EDIL3: variants seen among roughly 807,000 people sequenced by gnomAD.
EDIL3 encodes the protein EGF like and discoidin domains 3, also known as EGF-like repeat and discoidin I-like domain-containing protein 3.
A neutral mutation model predicts 67.4 loss-of-function variants in EDIL3; 37 were observed. The ratio of observed to expected loss-of-function variants is 0.55; its 90% confidence interval spans 0.42 to 0.72. The LOEUF (loss-of-function observed/expected upper bound fraction) is 0.72. EDIL3 is among the 30% of genes least tolerant of loss of function. The pLI, the probability that EDIL3 is intolerant of heterozygous loss-of-function variation, is 0.00. For missense variants in EDIL3, 527 were observed against 586.3 expected (o/e 0.90, Z 1.04); for synonymous variants, 195 against 196.3 (o/e 0.99, Z 0.05).
At chr5:84,302,250 A>T (rs1226351230) in intron 1 of EDIL3, among the ~76,000 whole-genome samples, 1 of 151,978 alleles carries the variant, frequency 6.6e-6, no homozygotes, top group Non-Finnish European at 1.5e-5. Flanking sequence ...CACATTCATA[A>T]CTAGATATGC....
At chr5:84,170,635 A>G (rs1464624746) in intron 4 of EDIL3, among the ~76,000 whole-genome samples, 1 of 152,214 alleles carries the variant, frequency 6.6e-6, no homozygotes, top group Non-Finnish European at 1.5e-5. Flanking sequence ...GATAACTAAG[A>G]GCAACAGTAA....
At chr5:84,356,885 CTTTCTTTT>C (rs1291470966) in intron 1 of EDIL3, among the ~76,000 whole-genome samples, 6 of 39,358 alleles carry the variant, frequency 1.5e-4, no homozygotes, top group African/African-American at 5.2e-4. Flanking sequence ...AACAATCTTT[CTTTCTTTT>C]TTTTTTTTTT....
chr5:84,017,674 T>G (rs578133309), intron 9 of EDIL3, among the ~76,000 whole-genome samples: 1 of 152,282 alleles, frequency 6.6e-6, no homozygotes, highest in East Asian at 1.9e-4. Context: ...AAACATGACT[T>G]TGGAAAAATT....
At chr5:84,163,997 A>G (rs1439202846) in intron 4 of EDIL3, among the ~76,000 whole-genome samples, 3 of 152,120 alleles carry the variant, frequency 2.0e-5, no homozygotes, top group African/African-American at 7.2e-5. Flanking sequence ...TGCTTTTAAG[A>G]AGGCCAACTT....
At chr5:84,191,010 T>C (rs1743574573) in intron 3 of EDIL3, among the ~76,000 whole-genome samples, 2 of 152,048 alleles carry the variant, frequency 1.3e-5, no homozygotes, top group African/African-American at 4.8e-5. Flanking sequence ...AATCATAATC[T>C]ATAACAGAAA....
At chr5:83,997,029 G>A (rs983325945) in intron 9 of EDIL3, among the ~76,000 whole-genome samples, 1 of 152,148 alleles carries the variant, frequency 6.6e-6, no homozygotes, top group Non-Finnish European at 1.5e-5. Flanking sequence ...ACTGGCTAGG[G>A]GATAGAGGGA....
At chr5:83,957,442 T>C (rs940688281) in intron 10 of EDIL3, among the ~76,000 whole-genome samples, 4 of 151,864 alleles carry the variant, frequency 2.6e-5, no homozygotes, top group East Asian at 3.9e-4. Flanking sequence ...AGTTGGACTT[T>C]CAAGGTATTA....
intron 3 of EDIL3, among the ~76,000 whole-genome samples, chr5:84,227,301 A>T (rs1278640339): frequency 6.6e-6 from 1 of 152,102 alleles, no homozygotes; most frequent in East Asian, 1.9e-4. Context: ...TCAAAAGAAG[A>T]TATACAAGAA....
chr5:84,221,134 G>C (rs1415544086), intron 3 of EDIL3, among the ~76,000 whole-genome samples: 2 of 152,006 alleles, frequency 1.3e-5, no homozygotes, highest in African/African-American at 2.4e-5. Context: ...AACTATTTTT[G>C]AATATATGTG....
chr5:84,289,538 C>T (rs949850144), intron 1 of EDIL3, among the ~76,000 whole-genome samples: 1 of 152,124 alleles, frequency 6.6e-6, no homozygotes, highest in African/African-American at 2.4e-5. Flanking sequence ...AGTCACTTCA[C>T]TGCTTGCAAG....
chr5:84,267,441 G>T (rs951629449), intron 1 of EDIL3, among the ~76,000 whole-genome samples: 4 of 152,160 alleles, frequency 2.6e-5, no homozygotes, highest in Non-Finnish European at 2.9e-5. Flanking sequence ...GAAAGTAATG[G>T]CAGACACATG....
Position 84,363,021 on chromosome 5 carries a change from C to T in EDIL3, c.67+21287G>A, listed in dbSNP as rs548195583. 8.1e-4 allele frequency among the ~76,000 whole-genome samples: 123 copies of T among 151,992 alleles called. 4 individuals carry two copies. In the South Asian group the frequency reaches 0.024, roughly 30 times the overall value. On this transcript the variant is annotated intron_variant, in intron 1 of 10. Transcript: ENST00000296591. ...TTTTTGATAGCAATGAGTATGTAAC[C>T]TATATTACTAACTGAAGAGGTAATT... is the stretch of plus-strand genomic sequence containing the variant.
At chr5:83,962,045 A>T (rs1378283991) in intron 10 of EDIL3, among the ~76,000 whole-genome samples, 1 of 151,376 alleles carries the variant, frequency 6.6e-6, no homozygotes, top group African/African-American at 2.4e-5. Context: ...AGCTAAAAAC[A>T]CATCTCTTCT....
intron 9 of EDIL3, among the ~76,000 whole-genome samples, chr5:84,014,174 A>T (rs2071140786): frequency 6.6e-6 from 1 of 152,212 alleles, no homozygotes; most frequent in Non-Finnish European, 1.5e-5. Flanking sequence ...CTGGCATTGT[A>T]TAAATATGAA....
chr5:84,057,638 AAGTC>A (rs1228151434), intron 9 of EDIL3, among the ~76,000 whole-genome samples: 2 of 152,172 alleles, frequency 1.3e-5, no homozygotes, highest in Admixed American at 6.6e-5. Flanking sequence ...ATTTAAAAAA[AAGTC>A]AGCTCTTCAA....
intron 5 of EDIL3, among the ~76,000 whole-genome samples, chr5:84,114,142 C>A (rs1288935755): frequency 1.3e-5 from 2 of 149,142 alleles, no homozygotes; most frequent in African/African-American, 2.5e-5. Flanking sequence ...TTAAAGGAAC[C>A]CTAAAGTTTT....
chr5:84,184,734 T>C (rs780631602), intron 3 of EDIL3, among the ~76,000 whole-genome samples: 6 of 152,220 alleles, frequency 3.9e-5, no homozygotes, highest in Non-Finnish European at 7.3e-5. Flanking sequence ...CCAAGCATTC[T>C]GGACACTTCC....
chr5:84,268,031 G>A (rs887315928), intron 1 of EDIL3, among the ~76,000 whole-genome samples: 41 of 152,160 alleles, frequency 2.7e-4, no homozygotes, highest in African/African-American at 9.7e-4. Context: ...CAGCTACTCG[G>A]GAGGCTGAGG....
Position 84,207,343 on chromosome 5 carries a change from C to T in EDIL3, c.226+22512G>A, listed in dbSNP as rs369840161. Among the ~76,000 whole-genome samples, 94 of 152,110 alleles carry T rather than the reference C, an allele frequency of 6.2e-4. 1 individual carries two copies. Among genetic ancestry groups the T allele is most frequent in the African/African-American group, 1.9e-3 (77 of 41,516 alleles). On this transcript the variant is annotated intron_variant, in intron 3 of 10. Transcript: ENST00000296591. Reference sequence around the variant, plus strand: ...ACTTAGGAATCCAACTTACAAGGGACGTGAAGGACCTCTTCAAGGAGAACT... The same window carrying T: ...ACTTAGGAATCCAACTTACAAGGGATGTGAAGGACCTCTTCAAGGAGAACT...
Sources: allele counts gnomAD v4.1 joint callset (sites outside exome capture counted in the v4.1 genomes callset), GRCh38; gene constraint gnomAD v4.1.1; transcripts MANE v1.5; gene names NCBI Gene and HGNC (gene_info 2026-07-23, HGNC 2026-07-21).